The following GPHN variants were observed in gnomAD, a reference collection of about 807,000 sequenced individuals.
The protein encoded by GPHN is gephyrin.
A neutral mutation model predicts 95.5 loss-of-function variants in GPHN; 17 were observed. That is an observed-to-expected ratio of 0.18 (90% CI 0.12 to 0.27). The LOEUF is 0.27. GPHN is among the 10% of genes least tolerant of loss of function. The probability of loss-of-function intolerance (pLI) is 1.00; values close to 1 mark genes in which losing one functional copy is unlikely to be tolerated. For synonymous variants in GPHN, 320 were observed against 322.5 expected, an observed-to-expected ratio of 0.99 and a Z score of 0.08; for missense variants, 660 against 978.1, an observed-to-expected ratio of 0.67 and a Z score of 4.34.
chr14:67,077,560 C>G (rs1467637815), intron 11 of GPHN, among the ~76,000 whole-genome samples: 1 of 152,100 alleles, frequency 6.6e-6, no homozygotes, highest in Non-Finnish European at 1.5e-5. Flanking sequence ...GCTCAATGCT[C>G]ACAAATCATA....
the GPHN span, chr14:67,200,622 A>G: frequency 5.4e-6 from 1 of 186,564 alleles, no homozygotes; most frequent in Admixed American, 6.4e-5. Context: ...TACTAGTGTG[A>G]GCTACCCACC....
chr14:66,582,014 A>G (rs199542664), intron 1 of GPHN, among the ~76,000 whole-genome samples: 15 of 152,084 alleles, frequency 9.9e-5, no homozygotes, highest in African/African-American at 3.6e-4. Flanking sequence ...CTTGAACTAC[A>G]TCTTAGACCA....
rs148924385 is a variant in GPHN, at chr14:66,779,216, C to T, written c.201+2695C>T. ...GTAATTCTAGCTTCAAAAAAAATTT[C>T]AAGAAATTTATTCCAACTTTGTGTG... On this transcript the variant is annotated intron_variant, in intron 3 of 22. Coordinates refer to ENST00000478722, the MANE Select transcript of GPHN (RefSeq NM_020806.5). Among the ~76,000 whole-genome samples the T allele has an allele frequency of 4.0e-4, 61 of 152,184 alleles. 3 individuals carry two copies. The East Asian group carries it at 9.9e-3, about 25-fold the overall frequency.
At chr14:67,578,752 T>C in the GPHN span, 2 of 711,510 alleles carry the variant, frequency 2.8e-6, no homozygotes, top group Non-Finnish European at 5.1e-6. The surrounding 1 kb of genome is among the most constrained non-coding windows in gnomAD (Gnocchi z 5.0). Flanking sequence ...CGCTCAGTGG[T>C]CGTGGAGACT....
the GPHN span, chr14:67,695,507 TG>T: frequency 2.1e-6 from 2 of 933,974 alleles, no homozygotes; most frequent in Non-Finnish European, 3.2e-6. Context: ...CACCGAACTC[TG>T]GGCTCCGCCA....
chr14:66,813,509 A>G (rs1264964261), intron 3 of GPHN, among the ~76,000 whole-genome samples: 1 of 152,228 alleles, frequency 6.6e-6, no homozygotes, highest in Non-Finnish European at 1.5e-5. Context: ...ACTGGCAAGG[A>G]GCAACCCGCT....
chr14:67,362,032 C>CT, the GPHN span, among the ~76,000 whole-genome samples: 301 of 91,352 alleles, frequency 3.3e-3, 1 homozygote, highest in East Asian at 8.5e-3. Context: ...TTTCTTTTTT[C>CT]TTTTTTTTTT....
the GPHN span, among the ~76,000 whole-genome samples, chr14:67,477,115 G>A: frequency 1.3e-5 from 2 of 150,986 alleles, no homozygotes; most frequent in South Asian, 2.1e-4. Flanking sequence ...GCAGTGAGTC[G>A]CGATCGCACC....
intron 3 of GPHN, among the ~76,000 whole-genome samples, chr14:66,802,456 G>A (rs563797790): frequency 3.2e-4 from 48 of 152,094 alleles, no homozygotes; most frequent in African/African-American, 1.2e-3. Context: ...TCAACCCCCT[G>A]TGGCCAAGTT....
intron 1 of GPHN, among the ~76,000 whole-genome samples, chr14:66,553,735 C>G (rs894937615): frequency 2.6e-5 from 4 of 152,148 alleles, no homozygotes; most frequent in African/African-American, 9.7e-5. Context: ...GGCCACCACG[C>G]CCGCCTAATT....
the GPHN span, chr14:67,728,224 A>C: frequency 1.4e-4 from 22 of 152,376 alleles, no homozygotes; most frequent in Non-Finnish European, 2.4e-4. Flanking sequence ...GAATGCCTAC[A>C]GTAGAAGAAG....
At chr14:66,714,713 T>C (rs1005954165) in intron 2 of GPHN, among the ~76,000 whole-genome samples, 9 of 152,218 alleles carry the variant, frequency 5.9e-5, no homozygotes, top group African/African-American at 2.2e-4. Context: ...CAAATGCTTT[T>C]TTTGCATCTA....
chr14:66,550,845 G>A (rs1426975852), intron 1 of GPHN, among the ~76,000 whole-genome samples: 2 of 151,724 alleles, frequency 1.3e-5, no homozygotes, highest in African/African-American at 2.4e-5. Flanking sequence ...TTAGCAGTAA[G>A]GTTTTTTTTT....
chr14:66,726,729 T>A (rs920554874), intron 2 of GPHN, among the ~76,000 whole-genome samples: 1 of 152,150 alleles, frequency 6.6e-6, no homozygotes, highest in East Asian at 1.9e-4. Context: ...AGATTGACCC[T>A]CCCTCATCTG....
the GPHN span, among the ~76,000 whole-genome samples, chr14:67,543,661 G>A: frequency 1.3e-5 from 2 of 152,132 alleles, no homozygotes; most frequent in East Asian, 1.9e-4. Flanking sequence ...TTAAGCTATG[G>A]TGTTGGAGGA....
intron 1 of GPHN, among the ~76,000 whole-genome samples, chr14:66,536,983 A>G (rs1223420175): frequency 6.6e-6 from 1 of 152,158 alleles, no homozygotes; most frequent in African/African-American, 2.4e-5. Flanking sequence ...CCTTTTTGTC[A>G]TTATGAAATG....
At chr14:66,903,513 C>G (rs1253206840) in intron 5 of GPHN, among the ~76,000 whole-genome samples, 1 of 152,166 alleles carries the variant, frequency 6.6e-6, no homozygotes, top group Non-Finnish European at 1.5e-5. Context: ...TTCACCCCTT[C>G]ACTTACAGTC....
the GPHN span, among the ~76,000 whole-genome samples, chr14:67,416,837 G>A: frequency 1.3e-5 from 2 of 152,238 alleles, no homozygotes; most frequent in East Asian, 1.9e-4. Flanking sequence ...CAGGGCAGAT[G>A]CTCCACCATA....
chr14:67,685,448 G>A, the GPHN span, among the ~76,000 whole-genome samples: 1 of 152,132 alleles, frequency 6.6e-6, no homozygotes, highest in South Asian at 2.1e-4. Flanking sequence ...GGAATCAGCA[G>A]AGCCAAGACT....
Sources: gnomAD v4.1 joint callset for allele counts (sites outside exome capture counted in the v4.1 genomes callset) on GRCh38, gnomAD v4.1.1 for gene constraint, Gnocchi (gnomAD v3.1) non-coding constraint, MANE v1.5 for transcripts, NCBI Gene and HGNC (gene_info 2026-07-23, HGNC 2026-07-21) for gene names.